Variants in PCDHGA2 observed in about 807,000 individuals in gnomAD.
The protein encoded by PCDHGA2 is protocadherin gamma-A2.
Under a neutral mutation model 59.2 loss-of-function variants are expected in PCDHGA2, and 40 were observed. The observed-to-expected ratio is 0.68, with a 90% CI of 0.52 to 0.88. The LOEUF is 0.88. Ranked by LOEUF, PCDHGA2 falls within the 40% of genes least tolerant of loss-of-function variation. PCDHGA2 has a pLI of 0.00. For missense variants in PCDHGA2, 1,226 were observed against 1,204.0 expected (o/e 1.02, Z -0.27); for synonymous variants, 560 against 526.0 (o/e 1.06, Z -0.89).
intron 1 of PCDHGA2, chr5:141,364,370 C>G: frequency 6.4e-7 from 1 of 1,570,908 alleles, no homozygotes; most frequent in South Asian, 1.2e-5. Flanking sequence ...CGGAGAGCTG[C>G]TGCTGCCCTT....
intron 1 of PCDHGA2, chr5:141,389,189 C>CATCA: frequency 6.2e-7 from 1 of 1,614,032 alleles, no homozygotes; most frequent in Non-Finnish European, 8.5e-7. Context: ...CCAGTTCCAG[C>CATCA]ATCACCCTGC....
At chr5:141,440,472 A>C (rs913774913) in intron 1 of PCDHGA2, 6 of 152,322 alleles carry the variant, frequency 3.9e-5, no homozygotes, top group Admixed American at 3.9e-4. Flanking sequence ...ACGGTAGTTG[A>C]AAATTCTTTA....
intron 1 of PCDHGA2, chr5:141,362,686 T>G: frequency 8.8e-7 from 1 of 1,140,560 alleles, no homozygotes; most frequent in Non-Finnish European, 1.2e-6. Flanking sequence ...TGTCTTAATC[T>G]TATCTAACTG....
Position 141,431,431 on chromosome 5 carries a change from C to T in PCDHGA2, c.2425-63376C>T, listed in dbSNP as rs776557037. ...ACGGGGGCGACCCGGTGCGCACAGG[C>T]ACCGCGCGCATCCGCGTGATGGTTC... is the stretch of plus-strand genomic sequence containing the variant. On this transcript the variant is annotated intron_variant, in intron 1 of 3. Transcript: ENST00000394576. This position sits in a 1 kb window ranked among gnomAD's most constrained non-coding sequence, Gnocchi z 4.8. 11 of 1,613,586 alleles carry T rather than the reference C, an allele frequency of 6.8e-6. No individual in the cohort carries two copies. The East Asian group carries it at 1.1e-4, about 16-fold the overall frequency.
At chr5:141,359,674 C>T (rs1431712939) in intron 1 of PCDHGA2, among the ~76,000 whole-genome samples, 1 of 151,866 alleles carries the variant, frequency 6.6e-6, no homozygotes, top group Admixed American at 6.6e-5. Context: ...AATCCGTTGC[C>T]CTATACAAGA....
At chr5:141,475,762 G>A (rs4151701) in intron 1 of PCDHGA2, among the ~76,000 whole-genome samples, 9,255 of 152,346 alleles carry the variant, frequency 0.061, 562 homozygotes, top group African/African-American at 0.16. Context: ...CACCGATACT[G>A]GCAAGGCGCT....
intron 1 of PCDHGA2, chr5:141,408,464 A>C (rs764186219): frequency 6.2e-7 from 1 of 1,613,934 alleles, no homozygotes; most frequent in South Asian, 1.1e-5. Context: ...ACTTGTGAAG[A>C]ACCGAATAGA....
chr5:141,405,124 G>A (rs1490821452), intron 1 of PCDHGA2: 2 of 1,614,020 alleles, frequency 1.2e-6, no homozygotes, highest in Admixed American at 3.3e-5. Context: ...CCTCGCATCT[G>A]CTGCGGGCTA....
intron 1 of PCDHGA2, chr5:141,360,947 A>G: frequency 6.2e-7 from 1 of 1,614,012 alleles, no homozygotes; most frequent in Non-Finnish European, 8.5e-7. Flanking sequence ...GACCGGGATG[A>G]AGGCATAAAC....
chr5:141,464,583 C>T (rs768431243), intron 1 of PCDHGA2, among the ~76,000 whole-genome samples: 6 of 152,024 alleles, frequency 3.9e-5, no homozygotes, highest in Admixed American at 2.0e-4. Context: ...TGAGAATGTC[C>T]ATTGTCCCAT....
At position 141,357,442 on chromosome 5, in the gene PCDHGA2, G is replaced by T. The variant is rs1247246465; in HGVS notation, c.2424+16047G>T. Reference sequence around the variant, plus strand: ...CTTTGTGGGCGTGGACGGGGTTCGGGCTTTCCTGCAGACCTATTCCCACGA... The same window carrying T: ...CTTTGTGGGCGTGGACGGGGTTCGGTCTTTCCTGCAGACCTATTCCCACGA... On this transcript the variant is annotated intron_variant, in intron 1 of 3. Coordinates refer to ENST00000394576, the MANE Select transcript of PCDHGA2 (RefSeq NM_018915.4). 6 of 1,614,092 alleles carry T rather than the reference G, an allele frequency of 3.7e-6. No individual in the cohort carries two copies. In the East Asian group the frequency reaches 1.3e-4, roughly 36 times the overall value.
intron 1 of PCDHGA2, chr5:141,427,070 G>A (rs929936578): frequency 3.1e-5 from 14 of 457,822 alleles, no homozygotes; most frequent in Non-Finnish European, 6.2e-5. Context: ...TACTAAAGGT[G>A]ACAGCCACTG....
intron 1 of PCDHGA2, chr5:141,423,760 G>GGT: frequency 7.2e-6 from 2 of 279,662 alleles, no homozygotes; most frequent in Non-Finnish European, 1.1e-5. Context: ...TGGGGGGGGG[G>GGT]TGGGGCGGCA....
chr5:141,419,243 C>T (rs959206942), intron 1 of PCDHGA2: 2 of 1,613,998 alleles, frequency 1.2e-6, no homozygotes, highest in East Asian at 4.5e-5. Flanking sequence ...GGTCCACGTG[C>T]CAGAAAACAA....
At chr5:141,433,358 C>CCTGCCTAT (rs1554125966) in intron 1 of PCDHGA2, 1 of 498,106 alleles carries the variant, frequency 2.0e-6, no homozygotes, top group Non-Finnish European at 3.5e-6. Flanking sequence ...CTACTGTCTG[C>CCTGCCTAT]CTATCTATCT....
At chr5:141,427,857 G>A (rs746661329) in intron 1 of PCDHGA2, 36 of 1,554,574 alleles carry the variant, frequency 2.3e-5, no homozygotes, top group Non-Finnish European at 2.9e-5. Context: ...GCAGCTGTGC[G>A]CCTTCGAGCT....
At chr5:141,350,015 A>G in intron 1 of PCDHGA2, 1 of 362,456 alleles carries the variant, frequency 2.8e-6, no homozygotes, top group Admixed American at 4.2e-5. Flanking sequence ...GGCCCTGTGC[A>G]GTTTTCCAAG....
chr5:141,384,928 A>G (rs1780667479), intron 1 of PCDHGA2: 3 of 1,614,014 alleles, frequency 1.9e-6, no homozygotes, highest in Non-Finnish European at 2.5e-6. Context: ...CGACCTGGGC[A>G]GCCTTGAGCC....
chr5:141,465,502 G>A (rs948827391), intron 1 of PCDHGA2, among the ~76,000 whole-genome samples: 6 of 152,268 alleles, frequency 3.9e-5, no homozygotes, highest in Admixed American at 2.0e-4. Context: ...GAGCATTGTC[G>A]TGGTCAGGAA....
Sources: allele counts gnomAD v4.1 joint callset (sites outside exome capture counted in the v4.1 genomes callset), GRCh38; gene constraint gnomAD v4.1.1; non-coding constraint Gnocchi (gnomAD v3.1); transcripts MANE v1.5; gene names NCBI Gene and HGNC (gene_info 2026-07-23, HGNC 2026-07-21).